ALK: variants seen among roughly 807,000 people sequenced by gnomAD.
ALK encodes the protein ALK receptor tyrosine kinase.
In ALK, 74 loss-of-function variants were observed where a neutral mutation model predicts 163.1. The observed-to-expected ratio is 0.45, with a 90% confidence interval of 0.38 to 0.55. The LOEUF is 0.55. Ranked by LOEUF, ALK falls within the 20% of genes least tolerant of loss-of-function variation. ALK has a pLI of 0.00. For synonymous variants in ALK, 960 were observed against 843.2 expected, an observed-to-expected ratio of 1.14 and a Z score of -2.40; for missense variants, 2,063 against 2,105.3, an observed-to-expected ratio of 0.98 and a Z score of 0.39.
At chr2:29,452,791 C>T (rs1396370808) in intron 4 of ALK, among the ~76,000 whole-genome samples, 4 of 152,130 alleles carry the variant, frequency 2.6e-5, no homozygotes, top group Admixed American at 2.6e-4. Flanking sequence ...TGATATGATG[C>T]ACTGAGAAGG....
intron 5 of ALK, among the ~76,000 whole-genome samples, chr2:29,337,731 C>G (rs1300794907): frequency 1.3e-5 from 2 of 152,146 alleles, no homozygotes; most frequent in Admixed American, 1.3e-4. Flanking sequence ...ACCACCCCCA[C>G]CGTCTCATTG....
chr2:29,637,281 A>C (rs1198762629), intron 3 of ALK, among the ~76,000 whole-genome samples: 1 of 152,206 alleles, frequency 6.6e-6, no homozygotes, highest in African/African-American at 2.4e-5. Context: ...ATACGTGTGA[A>C]AACTTAGATA....
At chr2:29,245,421 A>G (rs1335675012) in intron 12 of ALK, among the ~76,000 whole-genome samples, 1 of 123,184 alleles carries the variant, frequency 8.1e-6, no homozygotes, top group African/African-American at 3.1e-5. Flanking sequence ...TGCACGTAGT[A>G]GGGGCTCCAT....
intron 4 of ALK, among the ~76,000 whole-genome samples, chr2:29,516,837 C>A (rs1290145026): frequency 6.6e-6 from 1 of 152,192 alleles, no homozygotes; most frequent in East Asian, 1.9e-4. Context: ...TATTTGACAG[C>A]AATGAGCTGG....
intron 3 of ALK, among the ~76,000 whole-genome samples, chr2:29,535,934 C>T (rs546862705): frequency 7.2e-5 from 11 of 152,158 alleles, no homozygotes; most frequent in African/African-American, 1.2e-4. Context: ...TGAACTTTCC[C>T]GCTAAGATGT....
chr2:29,619,658 A>G (rs1426213958), intron 3 of ALK, among the ~76,000 whole-genome samples: 2 of 152,204 alleles, frequency 1.3e-5, no homozygotes. Flanking sequence ...GCCCCGATGG[A>G]TCGTATGCTG....
intron 4 of ALK, among the ~76,000 whole-genome samples, chr2:29,468,905 G>C (rs1305749542): frequency 1.5e-5 from 2 of 137,802 alleles, no homozygotes; most frequent in Non-Finnish European, 3.1e-5. Context: ...AAGAACTACA[G>C]TAACTGCCTT....
At chr2:29,486,678 A>G (rs1457531456) in intron 4 of ALK, among the ~76,000 whole-genome samples, 1 of 152,240 alleles carries the variant, frequency 6.6e-6, no homozygotes, top group East Asian at 1.9e-4. Flanking sequence ...AATTAAAAAC[A>G]AGAAGCAAAT....
intron 1 of ALK, among the ~76,000 whole-genome samples, chr2:29,906,940 T>G (rs866891407): frequency 0.033 from 173 of 5,310 alleles, no homozygotes; most frequent in African/African-American, 0.068. Context: ...ATTTAAGGTT[T>G]TTTTTTTTTT....
intron 23 of ALK, among the ~76,000 whole-genome samples, chr2:29,219,713 T>C (rs536520545): frequency 1.3e-5 from 2 of 152,286 alleles, no homozygotes; most frequent in East Asian, 1.9e-4. Context: ...ACCTTTGAGA[T>C]GTTCTAGTCC....
chr2:29,753,420 T>G (rs1387622562), intron 1 of ALK, among the ~76,000 whole-genome samples: 1 of 152,214 alleles, frequency 6.6e-6, no homozygotes, highest in East Asian at 1.9e-4. Flanking sequence ...TAGTAGGAAC[T>G]GGCTAAGTTA....
At chr2:29,879,869 A>C (rs1666811986) in intron 1 of ALK, among the ~76,000 whole-genome samples, 2 of 152,242 alleles carry the variant, frequency 1.3e-5, no homozygotes, top group African/African-American at 4.8e-5. Flanking sequence ...CCGAAACTTC[A>C]TGGACCTGAA....
At chr2:29,556,392 G>A (rs1308356135) in intron 3 of ALK, among the ~76,000 whole-genome samples, 2 of 152,286 alleles carry the variant, frequency 1.3e-5, no homozygotes, top group South Asian at 2.1e-4. Context: ...TTCAAGAACT[G>A]TTCACTCCTG....
At chr2:29,606,301 T>C (rs10166469) in intron 3 of ALK, among the ~76,000 whole-genome samples, 116,415 of 152,166 alleles carry the variant, frequency 0.77, 44,658 homozygotes, top group African/African-American at 0.82. Context: ...TTATTTTCAG[T>C]TTGGACCCAA....
intron 15 of ALK, among the ~76,000 whole-genome samples, chr2:29,230,480 C>A (rs1348560668): frequency 6.6e-6 from 1 of 152,100 alleles, no homozygotes; most frequent in Admixed American, 6.5e-5. Flanking sequence ...CTGCCGGAAC[C>A]CTACGGGTGA....
intron 9 of ALK, among the ~76,000 whole-genome samples, chr2:29,290,916 G>C (rs1369581520): frequency 6.6e-6 from 1 of 152,152 alleles, no homozygotes. Context: ...GGCAGGGGCC[G>C]TGCGGGGAAT....
chr2:29,530,033 T>G (rs1191953383), intron 4 of ALK, among the ~76,000 whole-genome samples: 1 of 151,084 alleles, frequency 6.6e-6, no homozygotes, highest in Non-Finnish European at 1.5e-5. Context: ...TCATTTGTCT[T>G]GAAGGATCAA....
intron 13 of ALK, among the ~76,000 whole-genome samples, chr2:29,236,885 T>C (rs1248335123): frequency 6.6e-6 from 1 of 152,192 alleles, no homozygotes; most frequent in Non-Finnish European, 1.5e-5. Flanking sequence ...TGGACCTCTC[T>C]CCTGAACTCT....
At chr2:29,427,989 C>T (rs1670185970) in intron 4 of ALK, among the ~76,000 whole-genome samples, 1 of 151,906 alleles carries the variant, frequency 6.6e-6, no homozygotes, top group Admixed American at 6.6e-5. Flanking sequence ...GGGAAATTCA[C>T]AAATAAGTGA....
Sources: allele counts gnomAD v4.1 joint callset (sites outside exome capture counted in the v4.1 genomes callset), GRCh38; gene constraint gnomAD v4.1.1; transcripts MANE v1.5; gene names NCBI Gene and HGNC (gene_info 2026-07-23, HGNC 2026-07-21).